PGK1: variants seen among roughly 807,000 people sequenced by gnomAD.
PGK1 encodes the protein phosphoglycerate kinase 1, also known as PRP 2.
A neutral mutation model predicts 26.9 loss-of-function variants in PGK1; 3 were observed. That is an observed-to-expected ratio of 0.11 (90% confidence interval 0.05 to 0.29). The LOEUF (loss-of-function observed/expected upper bound fraction) is 0.29, where lower values mean the gene tolerates loss of function less well. Among genes scored for constraint, PGK1 ranks in the 10% least tolerant of loss-of-function variants. The probability of loss-of-function intolerance (pLI) is 1.00; values close to 1 mark genes in which losing one functional copy is unlikely to be tolerated. For missense variants in PGK1, 270 were observed against 314.7 expected, an observed-to-expected ratio of 0.86 and a Z score of 1.07; for synonymous variants, 125 against 115.3, an observed-to-expected ratio of 1.08 and a Z score of -0.54.
At position 78,125,893 on chromosome X, in the gene PGK1, C is replaced by T; in HGVS notation, c.*63C>T. 3 of 917,150 alleles carry T rather than the reference C, an allele frequency of 3.3e-6. No homozygotes were observed. Among genetic ancestry groups the T allele is most frequent in the East Asian group, 6.1e-5 (2 of 32,576 alleles). 75.6% of individuals were successfully genotyped at this position (917,150 alleles called of 1,213,427 possible). On this transcript the variant is annotated 3_prime_UTR_variant, in exon 11 of 11. Transcript: ENST00000373316. ...AGTCAACTTAGCATTTTCTGCATCT[C>T]CACTTGGCATTAGCTAAAACCTTCC... is the stretch of plus-strand genomic sequence containing the variant.
intron 4 of PGK1, among the ~76,000 whole-genome samples, chrX:78,116,811 T>A (rs1431304188): frequency 8.9e-6 from 1 of 112,417 alleles, no homozygotes; most frequent in Non-Finnish European, 1.9e-5. Flanking sequence ...GAGGTTCTTT[T>A]CTGTTGTCAT....
chrX:78,122,409 TTGTGTGTGTGTGTGTGTGTG>T (rs201442984), intron 6 of PGK1, among the ~76,000 whole-genome samples: 2 of 88,947 alleles, frequency 2.2e-5, no homozygotes, highest in South Asian at 5.9e-4. Context: ...TGCTCTGAAT[TTGTGTGTGTGTGTGTGTGTG>T]TGTGTGTGTG....
intron 1 of PGK1, 128 bp downstream of exon 1, chrX:78,104,533 T>C (rs2078259214): frequency 1.1e-5 from 6 of 571,054 alleles, no homozygotes; most frequent in Non-Finnish European, 1.8e-5. Context: ...GTCCTAGGCT[T>C]GGAGGGCGAG....
chrX:78,104,714 C>T (rs1349348568), intron 1 of PGK1, among the ~76,000 whole-genome samples: 5 of 111,480 alleles, frequency 4.5e-5, no homozygotes, highest in African/African-American at 6.5e-5. Flanking sequence ...AGCTCCCAGT[C>T]GGCGAGATGG....
Position 78,117,288 on chromosome X carries a change from T to G in PGK1, c.418-24T>G, listed in dbSNP as rs200252510. On this transcript the variant is annotated intron_variant, in intron 4 of 10. Coordinates refer to ENST00000373316, the MANE Select transcript of PGK1 (RefSeq NM_000291.4). ...TAGTTGTCTTTGGAGCCATCACATT[T>G]TCTGTTTTTGTTTTTCTCTATAGGT... The G allele has an allele frequency of 8.1e-5, 84 of 1,035,716 alleles. 1 individual carries two copies. Among genetic ancestry groups the G allele is most frequent in the Non-Finnish European group, 2.0e-5 (15 of 736,236 alleles). 85.4% of individuals were successfully genotyped at this position (1,035,716 alleles called of 1,213,427 possible). A position where few individuals can be genotyped will look rare whatever the true frequency, so the allele number is the denominator to read the frequency against.
chrX:78,106,741 G>A (rs781815174), intron 1 of PGK1: 2 of 382,013 alleles, frequency 5.2e-6, no homozygotes, highest in South Asian at 1.4e-4. Flanking sequence ...TTAGGACTCC[G>A]CAGTTGACTT....
intron 2 of PGK1, among the ~76,000 whole-genome samples, chrX:78,113,496 A>T (rs191682496): frequency 9.0e-6 from 1 of 111,416 alleles, no homozygotes; most frequent in Non-Finnish European, 1.9e-5. Flanking sequence ...TGTAGATAGT[A>T]GCCTCAGGCC....
intron 2 of PGK1, among the ~76,000 whole-genome samples, chrX:78,111,923 A>T (rs1333149046): frequency 8.9e-6 from 1 of 112,599 alleles, no homozygotes; most frequent in Non-Finnish European, 1.9e-5. Flanking sequence ...TAGTCCTGAA[A>T]ACTAATTGGT....
At chrX:78,113,276 G>A (rs1029913773) in intron 2 of PGK1, among the ~76,000 whole-genome samples, 1 of 111,154 alleles carries the variant, frequency 9.0e-6, no homozygotes, top group South Asian at 3.8e-4. Flanking sequence ...CCAGCCTGTT[G>A]GGTGACAGAG....
At chrX:78,123,037 A>C in intron 7 of PGK1, 88 bp downstream of exon 7, 1 of 731,828 alleles carries the variant, frequency 1.4e-6, no homozygotes, top group Non-Finnish European at 2.2e-6. Flanking sequence ...GTCTTTTGAC[A>C]TGAGCCCTGA....
At position 78,118,069 on chromosome X, in the gene PGK1, T is replaced by G; in HGVS notation, c.540T>G (p.Asn180Lys). 8.3e-7 allele frequency: 1 copy of G among 1,206,453 alleles called. No individual in the cohort carries two copies. Among genetic ancestry groups the G allele is most frequent in the Non-Finnish European group, 1.1e-6 (1 of 891,758 alleles). The change falls in exon 6 of 11, where the codon AAT becomes AAG. Residue 180 changes from asparagine to lysine, a missense_variant. By Grantham distance (94) the Asn-to-Lys change is moderately conservative. Coordinates refer to ENST00000373316, the MANE Select transcript of PGK1 (RefSeq NM_000291.4). ...TTTCTAGCTCCATGGTAGGAGTCAA[T>G]CTGCCACAGAAGGCTGGTGGGTTTT... Reference protein sequence around the residue: ...HRAHSSMVGVNLPQKAGGFLM... With the variant: ...HRAHSSMVGVKLPQKAGGFLM...
At chrX:78,104,973 C>T (rs1055033639) in intron 1 of PGK1, among the ~76,000 whole-genome samples, 50 of 112,252 alleles carry the variant, frequency 4.5e-4, no homozygotes, top group African/African-American at 1.6e-3. Context: ...GGAGGAGGCC[C>T]TGCAGAGCTT....
chrX:78,104,440 C>G (rs1569550707), intron 1 of PGK1, 35 bp downstream of exon 1: 1 of 1,073,597 alleles, frequency 9.3e-7, no homozygotes, highest in South Asian at 1.9e-5. Flanking sequence ...GCTCTCTGTG[C>G]TCTGTCGCAA....
rs1286102113 is a variant in PGK1 at position 78,123,019 on chromosome X, A to T, written c.756+70A>T. The T allele has an allele frequency of 6.5e-6, 5 of 774,258 alleles. No homozygotes were observed. The African/African-American group carries it at 1.0e-4, about 16-fold the overall frequency. The allele number at this position is 774,258 out of a possible 1,213,427, so 63.8% of individuals were successfully genotyped here. A position where few individuals can be genotyped will look rare whatever the true frequency, so the allele number is the denominator to read the frequency against. ...AATAGCAGGTTGTATAAATGTAAAA[A>T]GAAAACAGTCTTTTGACATGAGCCC... On this transcript the variant is annotated intron_variant, in intron 7 of 10. Transcript: ENST00000373316.
chrX:78,118,163 C>G lies in PGK1; in HGVS notation c.634C>G (p.Leu212Val). 8.3e-7 allele frequency: 1 copy of G among 1,210,877 alleles called. No homozygotes were observed. The highest frequency in any genetic ancestry group is 1.1e-6 in the Non-Finnish European group (1 of 894,765). ...ESPERPFLAI[L>V]GGAKVADKIQ... ...CCCAGAGCGACCCTTCCTGGCCATC[C>G]TGGGCGGGTATGAAGAACTCTTTAA... Residue 212 changes from leucine (L) to valine (V), a missense_variant, in exon 6 of 11, where the codon CTG becomes GTG. Physicochemically the swap from Leu to Val is conservative, Grantham distance 32. Transcript: ENST00000373316.
At chrX:78,120,266 CAATT>C (rs782324746) in intron 6 of PGK1, among the ~76,000 whole-genome samples, 5 of 110,886 alleles carry the variant, frequency 4.5e-5, no homozygotes, top group African/African-American at 1.6e-4. Context: ...CCTGTTTCAA[CAATT>C]AATTGACAGT....
intron 6 of PGK1, among the ~76,000 whole-genome samples, chrX:78,118,691 C>T (rs1402509685): frequency 6.3e-5 from 7 of 111,708 alleles, no homozygotes; most frequent in Non-Finnish European, 1.3e-4. Context: ...GGGCTACCAA[C>T]AGGCATCACC....
At chrX:78,110,961 T>A (rs2078297751) in intron 2 of PGK1, among the ~76,000 whole-genome samples, 1 of 100,065 alleles carries the variant, frequency 1.0e-5, no homozygotes, top group Admixed American at 1.1e-4. Context: ...TTAATTTTTT[T>A]AATTTTTAAT....
intron 8 of PGK1, 73 bp from the exon 9 acceptor site, chrX:78,124,801 C>T: frequency 8.9e-6 from 8 of 900,103 alleles, no homozygotes; most frequent in Non-Finnish European, 1.3e-5. Flanking sequence ...GCCCTGAGTT[C>T]TGGTCTTGGT....
Sources: gnomAD v4.1 joint callset for allele counts (sites outside exome capture counted in the v4.1 genomes callset) on GRCh38, gnomAD v4.1.1 for gene constraint, MANE v1.5 for transcripts, NCBI Gene and HGNC (gene_info 2026-07-23, HGNC 2026-07-21) for gene names.